NBEA: variants seen among roughly 807,000 people sequenced by gnomAD.
NBEA encodes the protein neurobeachin.
Under a neutral mutation model 343.4 loss-of-function variants are expected in NBEA, and 44 were observed. The observed-to-expected ratio is 0.13, with a 90% CI of 0.10 to 0.16. The LOEUF (loss-of-function observed/expected upper bound fraction) is 0.16. NBEA is among the 10% of genes least tolerant of loss of function. The pLI is 1.00. For synonymous variants in NBEA, 1,175 were observed against 1,238.7 expected, an observed-to-expected ratio of 0.95 and a Z score of 1.08; for missense variants, 2,555 against 3,631.3, an observed-to-expected ratio of 0.70 and a Z score of 7.62.
At position 35,045,028 on chromosome 13, in the gene NBEA, G is replaced by A. The variant is rs771164411; in HGVS notation, c.608G>A (p.Arg203Gln). Residue 203 changes from arginine to glutamine, a missense_variant, in exon 3 of 59, where the codon CGA becomes CAA. Physicochemically the swap from Arg to Gln is conservative, Grantham distance 43 (BLOSUM62 1). Coordinates refer to ENST00000379939, the MANE Select transcript of NBEA (RefSeq NM_001385012.1). Reference protein sequence around the residue: ...KELKLLFSMLRGESGIWPRHA... With the variant: ...KELKLLFSMLQGESGIWPRHA... Reference sequence around the variant, plus strand: ...TTGAAGCTTTTGTTCAGCATGCTTCGAGGAGAAAGTGGAATCTGGGTAAGC... The same window carrying A: ...TTGAAGCTTTTGTTCAGCATGCTTCAAGGAGAAAGTGGAATCTGGGTAAGC... 9.3e-6 allele frequency: 15 copies of A among 1,609,728 alleles called. No individual in the cohort carries two copies. Among genetic ancestry groups the A allele is most frequent in the Non-Finnish European group, 1.2e-5 (14 of 1,177,922 alleles).
intron 1 of NBEA, among the ~76,000 whole-genome samples, chr13:35,034,212 T>G (rs1566189864): frequency 6.6e-6 from 1 of 151,968 alleles, no homozygotes; most frequent in Non-Finnish European, 1.5e-5. Context: ...TTGAGAGTTT[T>G]TATCATGAAG....
chr13:35,092,381 T>G (rs1566272858), intron 10 of NBEA, among the ~76,000 whole-genome samples: 1 of 152,030 alleles, frequency 6.6e-6, no homozygotes, highest in Non-Finnish European at 1.5e-5. Context: ...CGTTTTGACT[T>G]TGTCTAAGTT....
intron 41 of NBEA, among the ~76,000 whole-genome samples, chr13:35,543,344 C>G (rs2078917416): frequency 6.6e-6 from 1 of 152,078 alleles, no homozygotes; most frequent in Admixed American, 6.6e-5. Flanking sequence ...AACAGCATGT[C>G]GAAGTTGTAT....
At chr13:35,585,549 T>C (rs551081753) in intron 46 of NBEA, among the ~76,000 whole-genome samples, 30 of 152,228 alleles carry the variant, frequency 2.0e-4, no homozygotes, top group African/African-American at 7.0e-4. Context: ...AGGATTTTTC[T>C]TTATATTTCA....
intron 1 of NBEA, among the ~76,000 whole-genome samples, chr13:35,007,116 T>A (rs1351122767): frequency 6.6e-6 from 1 of 152,124 alleles, no homozygotes; most frequent in Non-Finnish European, 1.5e-5. Flanking sequence ...GGATGATAGA[T>A]CAGAAATGAT....
chr13:35,197,556 C>T (rs1286529603), intron 31 of NBEA, among the ~76,000 whole-genome samples: 2 of 151,758 alleles, frequency 1.3e-5, no homozygotes, highest in African/African-American at 4.8e-5. Flanking sequence ...CTCACTCTGT[C>T]ACCCAGGCTA....
intron 34 of NBEA, among the ~76,000 whole-genome samples, chr13:35,244,613 A>G (rs949316920): frequency 2.6e-5 from 4 of 151,990 alleles, no homozygotes; most frequent in African/African-American, 9.7e-5. Context: ...TTTTGGTTCC[A>G]TATAAATTTG....
At chr13:35,118,730 T>A (rs920870845) in intron 16 of NBEA, among the ~76,000 whole-genome samples, 1 of 149,886 alleles carries the variant, frequency 6.7e-6, no homozygotes, top group South Asian at 2.3e-4. Flanking sequence ...GAATAGAGCA[T>A]TTTTTTTTCC....
Position 35,649,426 on chromosome 13 carries a change from C to T in NBEA, c.7771-229C>T, listed in dbSNP as rs78940878. Among the ~76,000 whole-genome samples, 1,294 of 152,132 alleles carry T rather than the reference C, an allele frequency of 8.5e-3. 12 individuals are homozygous for T. Among genetic ancestry groups the T allele is most frequent in the Non-Finnish European group, 0.013 (909 of 67,984 alleles). On this transcript the variant is annotated intron_variant, in intron 51 of 58. Transcript: ENST00000379939. ...GGCTGGTCTTTAATGATTCTGTGTC[C>T]CTGTATCAGTGCCTTCACAGAATTC...
chr13:34,981,211 A>G (rs950574203), intron 1 of NBEA, among the ~76,000 whole-genome samples: 4 of 152,114 alleles, frequency 2.6e-5, no homozygotes, highest in Admixed American at 6.6e-5. Context: ...TTAGTATAAC[A>G]TTTTTGAGGC....
In NBEA at chr13:35,291,621, A is replaced by G. The variant is rs540399760; in HGVS notation, c.5838+1171A>G. Among the ~76,000 whole-genome samples, 48 of 152,076 alleles carry G rather than the reference A, an allele frequency of 3.2e-4. No individual in the cohort carries two copies. The South Asian group carries it at 8.3e-3, about 26-fold the overall frequency. ...ACCTTTTCGATTCATGATGATGCAC[A>G]GTTCTGTAAAATGCGTTTATGGAAA... is the stretch of plus-strand genomic sequence containing the variant. On this transcript the variant is annotated intron_variant, in intron 35 of 58. Transcript: ENST00000379939.
intron 18 of NBEA, among the ~76,000 whole-genome samples, chr13:35,147,101 C>G (rs902836414): frequency 1.3e-5 from 2 of 152,076 alleles, no homozygotes; most frequent in Non-Finnish European, 2.9e-5. Flanking sequence ...TTTTTTCATT[C>G]CCTTCACTAA....
intron 34 of NBEA, among the ~76,000 whole-genome samples, chr13:35,270,909 T>C (rs1184343378): frequency 2.0e-5 from 3 of 152,316 alleles, no homozygotes; most frequent in African/African-American, 4.8e-5. Flanking sequence ...ATTCCACCTC[T>C]TGGGGCAGAG....
chr13:35,440,899 T>A (rs554546653), intron 39 of NBEA, among the ~76,000 whole-genome samples: 1 of 152,338 alleles, frequency 6.6e-6, no homozygotes, highest in East Asian at 1.9e-4. Flanking sequence ...TACCTGCTAA[T>A]ATTTGGTTGG....
intron 39 of NBEA, among the ~76,000 whole-genome samples, chr13:35,446,619 G>A (rs1424443521): frequency 1.3e-5 from 2 of 152,108 alleles, no homozygotes; most frequent in Non-Finnish European, 2.9e-5. Flanking sequence ...TGGCATGTAT[G>A]CAGACAAAAA....
intron 31 of NBEA, among the ~76,000 whole-genome samples, chr13:35,199,345 A>T (rs1399020715): frequency 1.3e-5 from 2 of 152,166 alleles, no homozygotes; most frequent in African/African-American, 4.8e-5. Context: ...ATCCAGGATG[A>T]CAGGCTTTAG....
Position 35,455,511 on chromosome 13 carries a change from C to T in NBEA, c.6448+3276C>T, listed in dbSNP as rs531233332. Among the ~76,000 whole-genome samples the T allele has an allele frequency of 2.0e-5, 3 of 152,020 alleles. No homozygotes were observed. In the South Asian group the frequency reaches 6.2e-4, roughly 32 times the overall value. On this transcript the variant is annotated intron_variant, in intron 40 of 58. Transcript: ENST00000379939. Reference sequence around the variant, plus strand: ...AATGATGCTGCTATTATAGATTTAACATTTTCTGTAAAAGGAAAATCTGTA... The same window carrying T: ...AATGATGCTGCTATTATAGATTTAATATTTTCTGTAAAAGGAAAATCTGTA...
In NBEA at chr13:35,171,435, G is replaced by A. The variant is rs2070454395; in HGVS notation, c.4406G>A (p.Arg1469Gln). The change falls in exon 26 of 59, where the codon CGA (arginine) becomes CAA (glutamine). Residue 1469 changes from arginine to glutamine, a missense_variant. This residue lies in a region of NBEA where 168 missense variants were observed against 193.0 expected (regional missense o/e 0.87). Transcript: ENST00000379939. ...AACATGTCTTCTGGAGGTTTAATGC[G>A]ACAGTGCCTAAGATTAGGTAAGTCT... ...EKNMSSGGLMRQCLRLVCCVA... is the reference protein window; with the variant it reads ...EKNMSSGGLMQQCLRLVCCVA... 2 of 1,610,750 alleles carry A rather than the reference G, an allele frequency of 1.2e-6. No individual in the cohort carries two copies. Among genetic ancestry groups the A allele is most frequent in the Non-Finnish European group, 1.7e-6 (2 of 1,177,804 alleles).
rs375996570 is a variant in NBEA at position 35,349,108 on chromosome 13, A to G, written c.5904A>G (p.Arg1968=). The change falls in exon 37 of 59, where the codon AGA becomes AGG. Residue 1968 remains arginine (R), a splice_region_variant and synonymous_variant. Coordinates refer to ENST00000379939, the MANE Select transcript of NBEA (RefSeq NM_001385012.1). ...TTTCTAAAGGTATTTTTCTTTTTAG[A>G]TTACTGTGCCATGCTATGAAGGACC... ...LAFIELINEG[R]LLCHAMKDHI... is the part of the protein sequence containing the mutation. 2.0e-6 allele frequency: 3 copies of G among 1,518,408 alleles called. No homozygotes were observed. The African/African-American group carries it at 4.2e-5, about 21-fold the overall frequency. The allele number at this position is 1,518,408 out of a possible 1,614,324, so 94.1% of individuals were successfully genotyped here.
Sources: allele counts gnomAD v4.1 joint callset (sites outside exome capture counted in the v4.1 genomes callset), GRCh38; gene constraint gnomAD v4.1.1; regional missense constraint gnomAD v4.1.1; transcripts MANE v1.5; gene names NCBI Gene and HGNC (gene_info 2026-07-23, HGNC 2026-07-21).